Variants in LUC7L3 observed in about 807,000 individuals in gnomAD.
LUC7L3 encodes the protein luc7-like protein 3.
A neutral mutation model predicts 66.8 loss-of-function variants in LUC7L3; 6 were observed. The observed-to-expected ratio is 0.09, with a 90% CI of 0.05 to 0.18. The LOEUF (loss-of-function observed/expected upper bound fraction) is 0.18, where lower values mean the gene tolerates loss of function less well. Among genes scored for constraint, LUC7L3 ranks in the 10% least tolerant of loss-of-function variants. The pLI is 1.00. For synonymous variants in LUC7L3, 160 were observed against 174.7 expected (o/e 0.92, Z 0.66); for missense variants, 341 against 531.1 (o/e 0.64, Z 3.52).
rs1383913522 is a variant in LUC7L3, at chr17:50,750,922, T to C, written c.*261T>C. 2.0e-6 allele frequency: 3 copies of C among 1,535,072 alleles called. No homozygotes were observed. Among genetic ancestry groups the C allele is most frequent in the East Asian group, 2.4e-5 (1 of 40,904 alleles). On this transcript the variant is annotated 3_prime_UTR_variant, in exon 10 of 10. Coordinates refer to ENST00000505658, the MANE Select transcript of LUC7L3 (RefSeq NM_016424.5). ...CATTAGTGTGCCTCTTTGGAAATTATCGCCCACATTTGTAATATAGTCGCC... is the reference window on the plus strand; with the variant it reads ...CATTAGTGTGCCTCTTTGGAAATTACCGCCCACATTTGTAATATAGTCGCC...
chr17:50,737,117 C>G, intron 2 of LUC7L3, 91 bp downstream of exon 2: 1 of 876,542 alleles, frequency 1.1e-6, no homozygotes, highest in Non-Finnish European at 1.8e-6. Flanking sequence ...GATTATAATT[C>G]TGTGAAGTTT....
chr17:50,721,201 T>C (rs768335872), intron 1 of LUC7L3, among the ~76,000 whole-genome samples: 1 of 152,210 alleles, frequency 6.6e-6, no homozygotes, highest in Non-Finnish European at 1.5e-5. Context: ...CAAAACATTA[T>C]GGCGATTTGG....
chr17:50,750,779 C>G lies in LUC7L3; in HGVS notation c.*118C>G. 2 of 1,587,630 alleles carry G rather than the reference C, an allele frequency of 1.3e-6. No homozygotes were observed. The highest frequency in any genetic ancestry group is 2.3e-5 in the East Asian group (1 of 43,336). ...TAAGTATGCACAGATGAAGATGGAA[C>G]TAAGCCGAGTAAGAAGACATACAAA... is the stretch of plus-strand genomic sequence containing the variant. On this transcript the variant is annotated 3_prime_UTR_variant, in exon 10 of 10. Coordinates refer to ENST00000505658, the MANE Select transcript of LUC7L3 (RefSeq NM_016424.5).
At chr17:50,726,327 A>G (rs7214649) in intron 1 of LUC7L3, among the ~76,000 whole-genome samples, 1 of 151,890 alleles carries the variant, frequency 6.6e-6, no homozygotes, top group Non-Finnish European at 1.5e-5. Context: ...GTGTACCACC[A>G]TGTCTGGCTA....
chr17:50,750,984 A>G lies in LUC7L3; in HGVS notation c.*323A>G, dbSNP rs1184802989. 9 of 1,414,848 alleles carry G rather than the reference A, an allele frequency of 6.4e-6. No individual in the cohort carries two copies. Among genetic ancestry groups the G allele is most frequent in the Middle Eastern group, 1.8e-4 (1 of 5,452 alleles). 87.6% of individuals were successfully genotyped at this position (1,414,848 alleles called of 1,614,324 possible). A position where few individuals can be genotyped will look rare whatever the true frequency, so the allele number is the denominator to read the frequency against. On this transcript the variant is annotated 3_prime_UTR_variant, in exon 10 of 10. Coordinates refer to ENST00000505658, the MANE Select transcript of LUC7L3 (RefSeq NM_016424.5). The stretch of plus-strand genomic sequence containing the variant: ...AATTATCCTTTTTTTAGGGATTTTG[A>G]TGTCATTTCTTTTTTTTTTTTAATA...
intron 2 of LUC7L3, among the ~76,000 whole-genome samples, chr17:50,739,941 A>AT (rs1326452463): frequency 1.3e-5 from 2 of 152,208 alleles, no homozygotes; most frequent in African/African-American, 4.8e-5. Flanking sequence ...TTATATACAG[A>AT]TTTGAAAATA....
rs367770291 is a variant in LUC7L3 at position 50,746,613 on chromosome 17, G to A, written c.1049G>A (p.Arg350Gln). Residue 350 changes from arginine to glutamine, a missense_variant, in exon 9 of 10, where the codon CGA (arginine) becomes CAA (glutamine). This residue lies in a region of LUC7L3 where 210 missense variants were observed against 238.1 expected (regional missense o/e 0.88). Coordinates refer to ENST00000505658, the MANE Select transcript of LUC7L3 (RefSeq NM_016424.5). ...ERKHRSRSRDRRRSKSRDRKS... is the reference protein window; with the variant it reads ...ERKHRSRSRDQRRSKSRDRKS... ...AAACACAGATCTCGAAGTCGGGATC[G>A]AAGAAGATCAAAAAGCCGGGATCGA... 107 of 1,613,936 alleles carry A rather than the reference G, an allele frequency of 6.6e-5. No individual in the cohort carries two copies. The highest frequency in any genetic ancestry group is 2.5e-4 in the East Asian group (11 of 44,886).
chr17:50,752,254 C>A lies in LUC7L3; in HGVS notation c.*1593C>A. The A allele has an allele frequency of 1.6e-6, 2 of 1,271,734 alleles. No homozygotes were observed. Among genetic ancestry groups the A allele is most frequent in the South Asian group, 1.3e-5 (1 of 78,038 alleles). The allele number at this position is 1,271,734 out of a possible 1,614,324, so 78.8% of individuals were successfully genotyped here. On this transcript the variant is annotated 3_prime_UTR_variant, in exon 10 of 10. Transcript: ENST00000505658. Reference sequence around the variant, plus strand: ...ACTGAGAACGGCATAAAGTGAAGATCGACATTTAAAAAATGAGGTGAAAGA... The same window carrying A: ...ACTGAGAACGGCATAAAGTGAAGATAGACATTTAAAAAATGAGGTGAAAGA...
In LUC7L3 at chr17:50,752,465, T is replaced by A; in HGVS notation, c.*1804T>A. On this transcript the variant is annotated 3_prime_UTR_variant, in exon 10 of 10. Transcript: ENST00000505658. The stretch of plus-strand genomic sequence containing the variant: ...TTTAAGACTTTTTAAGAAATATTAC[T>A]TAAACATGTGGCTTGCTCAGTGTTT... 5.3e-6 allele frequency: 1 copy of A among 188,674 alleles called. No homozygotes were observed. Among genetic ancestry groups the A allele is most frequent in the Non-Finnish European group, 1.1e-5 (1 of 90,394 alleles). The allele number at this position is 188,674 out of a possible 1,614,324, so 11.7% of individuals were successfully genotyped here. A position where few individuals can be genotyped will look rare whatever the true frequency, so the allele number is the denominator to read the frequency against.
rs1971064813 is a variant in LUC7L3 at position 50,754,012 on chromosome 17, C to T, written c.*3351C>T. On this transcript the variant is annotated 3_prime_UTR_variant, in exon 10 of 10. Transcript: ENST00000505658. ...GAGACGTAGAAGTTGAATTTTACAC[C>T]CAAAATTGATGTGACTGAAGAGGAA... is the stretch of plus-strand genomic sequence containing the variant. The T allele has an allele frequency of 1.3e-5, 2 of 152,022 alleles. No individual in the cohort carries two copies. Among genetic ancestry groups the T allele is most frequent in the Non-Finnish European group, 2.9e-5 (2 of 68,014 alleles). 9.4% of individuals were successfully genotyped at this position (152,022 alleles called of 1,614,324 possible).
At chr17:50,724,444 C>T (rs1969021121) in intron 1 of LUC7L3, among the ~76,000 whole-genome samples, 1 of 151,930 alleles carries the variant, frequency 6.6e-6, no homozygotes, top group South Asian at 2.1e-4. Flanking sequence ...TCCTTTCAAC[C>T]CAGGAGGCAG....
chr17:50,725,334 C>T (rs934525807), intron 1 of LUC7L3, among the ~76,000 whole-genome samples: 1 of 151,826 alleles, frequency 6.6e-6, no homozygotes, highest in South Asian at 2.1e-4. Context: ...CGCTTGAACC[C>T]GGGAGGTGGA....
chr17:50,726,169 T>A (rs1157360523), intron 1 of LUC7L3, among the ~76,000 whole-genome samples: 2 of 152,124 alleles, frequency 1.3e-5, no homozygotes, highest in African/African-American at 4.8e-5. Context: ...CTTGTTGTTT[T>A]GCTTTTTGTT....
Position 50,728,104 on chromosome 17 carries a change from C to T in LUC7L3, c.99+8273C>T, listed in dbSNP as rs182127141. Among the ~76,000 whole-genome samples, 69 of 132,576 alleles carry T rather than the reference C, an allele frequency of 5.2e-4. 1 individual carries two copies. In the East Asian group the frequency reaches 0.01, roughly 20 times the overall value. The allele number at this position is 132,576 out of a possible 152,430, so 87.0% of individuals were successfully genotyped here. On this transcript the variant is annotated intron_variant, in intron 1 of 9. Coordinates refer to ENST00000505658, the MANE Select transcript of LUC7L3 (RefSeq NM_016424.5). ...CTGCACTCCAGCATGGGCGACAGAG[C>T]GAGATCTGTCTCAAAAAAAAAAAAA...
At chr17:50,748,844 AAATT>A (rs1174953459) in intron 9 of LUC7L3, among the ~76,000 whole-genome samples, 2 of 151,488 alleles carry the variant, frequency 1.3e-5, no homozygotes, top group East Asian at 1.9e-4. Flanking sequence ...ATGTAAAAAT[AAATT>A]AATTAAAATC....
Position 50,745,923 on chromosome 17 carries a change from C to G in LUC7L3, c.897C>G (p.His299Gln). ...RRKRSRSRSR[H>Q]SSRTSDRRCS... is the part of the protein sequence containing the mutation. ...AGAGAAGTCGTTCACGAAGTAGACA[C>G]TCAAGCCGAACATCAGACAGAAGAT... is the stretch of plus-strand genomic sequence containing the variant. Residue 299 changes from histidine to glutamine, a missense_variant, in exon 8 of 10, where the codon CAC becomes CAG. Physicochemically the swap from His to Gln is conservative, Grantham distance 24. Coordinates refer to ENST00000505658, the MANE Select transcript of LUC7L3 (RefSeq NM_016424.5). 1 of 1,613,432 alleles carries G rather than the reference C, an allele frequency of 6.2e-7. No homozygotes were observed. The highest frequency in any genetic ancestry group is 8.5e-7 in the Non-Finnish European group (1 of 1,179,846).
intron 1 of LUC7L3, chr17:50,723,705 A>G: frequency 5.9e-6 from 1 of 169,890 alleles, no homozygotes; most frequent in Non-Finnish European, 1.2e-5. Context: ...CCCAGGCTGG[A>G]GTGTAGTGGC....
chr17:50,753,724 GTT>G lies in LUC7L3; in HGVS notation c.*3067_*3068del, dbSNP rs1052669964. The G allele has an allele frequency of 1.3e-5, 2 of 152,114 alleles. No homozygotes were observed. The highest frequency in any genetic ancestry group is 4.8e-5 in the African/African-American group (2 of 41,434). The allele number at this position is 152,114 out of a possible 1,614,324, so 9.4% of individuals were successfully genotyped here. A position where few individuals can be genotyped will look rare whatever the true frequency, so the allele number is the denominator to read the frequency against. Reference sequence around the variant, plus strand: ...TAGCAGCAAAGGACTTAAAGTGATAGTTTTTAAACCATATTCTGTCCCTAAGT... The same window carrying G: ...TAGCAGCAAAGGACTTAAAGTGATAGTTTAAACCATATTCTGTCCCTAAGT... On this transcript the variant is annotated 3_prime_UTR_variant, in exon 10 of 10. Coordinates refer to ENST00000505658, the MANE Select transcript of LUC7L3 (RefSeq NM_016424.5).
intron 2 of LUC7L3, among the ~76,000 whole-genome samples, chr17:50,739,213 G>T (rs1380276095): frequency 2.6e-5 from 4 of 152,302 alleles, no homozygotes; most frequent in Non-Finnish European, 5.9e-5. Context: ...ATTCTATAGT[G>T]AGCTTAGAAA....
Sources: allele counts gnomAD v4.1 joint callset (sites outside exome capture counted in the v4.1 genomes callset), GRCh38; gene constraint gnomAD v4.1.1; regional missense constraint gnomAD v4.1.1; transcripts MANE v1.5; gene names NCBI Gene and HGNC (gene_info 2026-07-23, HGNC 2026-07-21).